The following RALYL variants were observed in gnomAD, a reference collection of about 807,000 sequenced individuals.
RALYL encodes the protein RNA-binding Raly-like protein.
RALYL carries 29 observed loss-of-function variants against 35.1 expected under a neutral mutation model. That is an observed-to-expected ratio of 0.83 (90% CI 0.61 to 1.13). RALYL has a LOEUF of 1.13. Among genes scored for constraint, RALYL ranks in the 50% most tolerant of loss-of-function variants. The probability of loss-of-function intolerance (pLI) is 0.00; values close to 1 mark genes in which losing one functional copy is unlikely to be tolerated. For synonymous variants in RALYL, 120 were observed against 127.6 expected, an observed-to-expected ratio of 0.94 and a Z score of 0.40; for missense variants, 359 against 360.4, an observed-to-expected ratio of 1.00 and a Z score of 0.03.
chr8:84,706,088 A>T (rs985643944), intron 2 of RALYL: 1 of 1,531,978 alleles, frequency 6.5e-7, no homozygotes, highest in Non-Finnish European at 8.7e-7. Context: ...CAACTTTTTC[A>T]TATCACTGGG....
At chr8:84,582,960 C>T (rs1811173796) in intron 2 of RALYL, among the ~76,000 whole-genome samples, 1 of 151,974 alleles carries the variant, frequency 6.6e-6, no homozygotes. Flanking sequence ...GATTTAAATT[C>T]CTTTATTCTT....
intron 1 of RALYL, among the ~76,000 whole-genome samples, chr8:84,516,014 G>T (rs1019037775): frequency 1.3e-4 from 20 of 148,528 alleles, no homozygotes; most frequent in Non-Finnish European, 2.2e-4. Context: ...GTGGTCGGGG[G>T]CAGGGTAGGG....
chr8:84,867,020 T>A (rs538936657), intron 6 of RALYL, among the ~76,000 whole-genome samples: 1 of 152,260 alleles, frequency 6.6e-6, no homozygotes, highest in East Asian at 1.9e-4. Flanking sequence ...ATTTATTTTA[T>A]CACAATGATG....
At chr8:84,651,792 G>A (rs1440946494) in intron 2 of RALYL, among the ~76,000 whole-genome samples, 1 of 151,940 alleles carries the variant, frequency 6.6e-6, no homozygotes, top group Non-Finnish European at 1.5e-5. Context: ...GAGCAAAGTA[G>A]GTAATGTATT....
intron 2 of RALYL, among the ~76,000 whole-genome samples, chr8:84,576,077 A>G (rs1588285900): frequency 6.6e-6 from 1 of 152,234 alleles, no homozygotes; most frequent in African/African-American, 2.4e-5. Context: ...CCAATGGTCA[A>G]TATTAAAAAG....
intron 7 of RALYL, among the ~76,000 whole-genome samples, chr8:84,886,818 T>C (rs1400267317): frequency 6.6e-6 from 1 of 152,152 alleles, no homozygotes; most frequent in African/African-American, 2.4e-5. Flanking sequence ...CACTTATTAT[T>C]TGCAAGTCTC....
intron 7 of RALYL, among the ~76,000 whole-genome samples, chr8:84,880,828 C>T (rs887932507): frequency 6.6e-5 from 10 of 151,992 alleles, no homozygotes; most frequent in Middle Eastern, 3.2e-3. Flanking sequence ...CTCCCGAATT[C>T]ACCTTCCTTG....
intron 1 of RALYL, among the ~76,000 whole-genome samples, chr8:84,518,493 A>T (rs779508710): frequency 6.6e-6 from 1 of 152,194 alleles, no homozygotes; most frequent in Non-Finnish European, 1.5e-5. Flanking sequence ...TTGCATCTAC[A>T]GTCATAGCAG....
intron 1 of RALYL, among the ~76,000 whole-genome samples, chr8:84,376,401 A>G (rs1856918827): frequency 6.6e-6 from 1 of 151,868 alleles, no homozygotes; most frequent in South Asian, 2.1e-4. Context: ...AGCAAATACA[A>G]GATAATGCTT....
intron 2 of RALYL, among the ~76,000 whole-genome samples, chr8:84,639,505 T>A (rs1484615234): frequency 6.6e-6 from 1 of 152,022 alleles, no homozygotes; most frequent in Admixed American, 6.6e-5. Flanking sequence ...CTTTTCTTGC[T>A]GTCATGGCCT....
intron 1 of RALYL, among the ~76,000 whole-genome samples, chr8:84,443,485 A>G (rs2048543289): frequency 6.6e-6 from 1 of 152,176 alleles, no homozygotes; most frequent in Non-Finnish European, 1.5e-5. Flanking sequence ...ATGCCTTGTC[A>G]TGCAAATATG....
chr8:84,919,714 A>G (rs1043321625), intron 8 of RALYL, among the ~76,000 whole-genome samples: 2 of 152,126 alleles, frequency 1.3e-5, no homozygotes, highest in African/African-American at 4.8e-5. Context: ...TTATTCATGA[A>G]AGCTTCTTTC....
intron 2 of RALYL, among the ~76,000 whole-genome samples, chr8:84,597,532 T>C (rs1814859122): frequency 6.6e-6 from 1 of 152,090 alleles, no homozygotes; most frequent in Admixed American, 6.6e-5. Flanking sequence ...TCCAGTCTTG[T>C]CTCCTTCAAA....
At chr8:84,193,279 T>G (rs1814433418) in intron 1 of RALYL, among the ~76,000 whole-genome samples, 1 of 152,208 alleles carries the variant, frequency 6.6e-6, no homozygotes, top group African/African-American at 2.4e-5. Flanking sequence ...CTTTATGTTT[T>G]TCAGGATGGA....
chr8:84,447,371 T>G (rs1469061671), intron 1 of RALYL, among the ~76,000 whole-genome samples: 1 of 152,038 alleles, frequency 6.6e-6, no homozygotes, highest in Non-Finnish European at 1.5e-5. Flanking sequence ...CTCTCTGTTT[T>G]GGGTGATACC....
intron 1 of RALYL, among the ~76,000 whole-genome samples, chr8:84,322,539 C>A (rs748109489): frequency 6.6e-6 from 1 of 151,994 alleles, no homozygotes; most frequent in Admixed American, 6.6e-5. Context: ...AACTGAGACT[C>A]GAAGAATATG....
chr8:84,429,616 T>A (rs556406736), intron 1 of RALYL, among the ~76,000 whole-genome samples: 1 of 152,226 alleles, frequency 6.6e-6, no homozygotes, highest in East Asian at 1.9e-4. Flanking sequence ...GACTTGCCAT[T>A]CTTAAAATGT....
intron 1 of RALYL, among the ~76,000 whole-genome samples, chr8:84,489,988 T>G (rs1353980795): frequency 1.3e-5 from 2 of 151,780 alleles, no homozygotes; most frequent in East Asian, 3.9e-4. Flanking sequence ...AGATAAAGAA[T>G]GAAGTTGAAT....
chr8:84,882,063 C>T lies in RALYL; in HGVS notation c.686-5541C>T, dbSNP rs554064556. Among the ~76,000 whole-genome samples, 3 of 152,118 alleles carry T rather than the reference C, an allele frequency of 2.0e-5. No individual in the cohort carries two copies. In the South Asian group the frequency reaches 6.2e-4, roughly 32 times the overall value. On this transcript the variant is annotated intron_variant, in intron 7 of 8. Transcript: ENST00000521268. ...CAAGGACTAAAGTTAATGAATCTTA[C>T]ATGGTCAGCACTTCATAAGCACACA...
Sources: allele counts gnomAD v4.1 joint callset (sites outside exome capture counted in the v4.1 genomes callset), GRCh38; gene constraint gnomAD v4.1.1; transcripts MANE v1.5; gene names NCBI Gene and HGNC (gene_info 2026-07-23, HGNC 2026-07-21).